Variants in KMT2C observed in about 807,000 individuals in gnomAD.
KMT2C encodes histone-lysine N-methyltransferase 2C.
Under a neutral mutation model 507.9 loss-of-function variants are expected in KMT2C, and 88 were observed. The observed-to-expected ratio is 0.17, with a 90% confidence interval of 0.15 to 0.21. The LOEUF (loss-of-function observed/expected upper bound fraction) is 0.21. Ranked by LOEUF, KMT2C falls within the 10% of genes least tolerant of loss-of-function variation. The pLI, the probability that KMT2C is intolerant of heterozygous loss-of-function variation, is 1.00. For synonymous variants in KMT2C, 2,049 were observed against 2,080.8 expected (o/e 0.98, Z 0.42); for missense variants, 4,954 against 5,957.8 (o/e 0.83, Z 5.55).
intron 48 of KMT2C, among the ~76,000 whole-genome samples, chr7:152,153,297 T>G (rs2091792851): frequency 6.6e-6 from 1 of 152,224 alleles, no homozygotes; most frequent in South Asian, 2.1e-4. Flanking sequence ...CCTCCAGCTC[T>G]GACACAACCC....
rs1206211559 is a variant in KMT2C, at chr7:152,207,492, A to C, written c.3713-64T>G. The C allele has an allele frequency of 1.7e-5, 24 of 1,428,872 alleles. No individual in the cohort carries two copies. The East Asian group carries it at 4.6e-4, about 28-fold the overall frequency. 88.5% of individuals were successfully genotyped at this position (1,428,872 alleles called of 1,614,324 possible). On this transcript the variant is annotated intron_variant, in intron 23 of 58. Coordinates refer to ENST00000262189, the MANE Select transcript of KMT2C (RefSeq NM_170606.3). ...CTATCAAATATATAATCCCTACATAATGGGGAATAAAAAGTAGGGTTGTTG... is the reference window on the plus strand; with the variant it reads ...CTATCAAATATATAATCCCTACATACTGGGGAATAAAAAGTAGGGTTGTTG...
intron 1 of KMT2C, among the ~76,000 whole-genome samples, chr7:152,375,082 G>A (rs2097318098): frequency 6.6e-6 from 1 of 152,174 alleles, no homozygotes; most frequent in Non-Finnish European, 1.5e-5. Context: ...TCACTCTGCT[G>A]CCCAAACTGG....
chr7:152,287,329 C>T (rs2096318142), intron 6 of KMT2C, among the ~76,000 whole-genome samples: 1 of 152,172 alleles, frequency 6.6e-6, no homozygotes. Context: ...CCTTTTGAGC[C>T]AGGGTGGTAT....
chr7:152,185,512 G>A (rs2093598421), intron 34 of KMT2C, 46 bp downstream of exon 34: 1 of 1,399,578 alleles, frequency 7.1e-7, no homozygotes, highest in East Asian at 2.3e-5. Context: ...TAAGGTTCAA[G>A]CACTGTATTT....
chr7:152,176,819 A>T lies in KMT2C; in HGVS notation c.8634T>A (p.Phe2878Leu), dbSNP rs2129113704. 6.2e-7 allele frequency: 1 copy of T among 1,614,246 alleles called. No homozygotes were observed. Among genetic ancestry groups the T allele is most frequent in the Non-Finnish European group, 8.5e-7 (1 of 1,180,044 alleles). Reference protein sequence around the residue: ...TSLHPCDPDLFEKRTNRETAG... With the variant: ...TSLHPCDPDLLEKRTNRETAG... ...CAGTTTCTCGATTGGTTCTTTTCTC[A>T]AATAGATCTGGATCACAAGGATGCA... The change falls in exon 38 of 59, where the codon TTT becomes TTA. Residue 2878 changes from phenylalanine (F) to leucine (L), a missense_variant. Physicochemically the swap from Phe to Leu is conservative, Grantham distance 22. Coordinates refer to ENST00000262189, the MANE Select transcript of KMT2C (RefSeq NM_170606.3).
chr7:152,267,269 C>T (rs2095872796), intron 7 of KMT2C, among the ~76,000 whole-genome samples: 1 of 152,216 alleles, frequency 6.6e-6, no homozygotes, highest in Non-Finnish European at 1.5e-5. Flanking sequence ...AAACCCCAAA[C>T]CTTTATTCTT....
At chr7:152,234,180 C>G (rs1455957284) in intron 16 of KMT2C, among the ~76,000 whole-genome samples, 1 of 151,908 alleles carries the variant, frequency 6.6e-6, no homozygotes, top group Non-Finnish European at 1.5e-5. Flanking sequence ...GAGTTCGAGA[C>G]CAGCCTGGCC....
intron 1 of KMT2C, among the ~76,000 whole-genome samples, chr7:152,425,018 C>T (rs1239404281): frequency 6.6e-6 from 1 of 152,094 alleles, no homozygotes; most frequent in Non-Finnish European, 1.5e-5. Context: ...AGTCACAGGG[C>T]TAGGCGAGAT....
chr7:152,427,770 T>A (rs1441248268), intron 1 of KMT2C, among the ~76,000 whole-genome samples: 2 of 152,230 alleles, frequency 1.3e-5, no homozygotes, highest in Non-Finnish European at 2.9e-5. Context: ...GTCACATCTT[T>A]AAATACTTAT....
chr7:152,336,680 G>A (rs1416779607), intron 2 of KMT2C, among the ~76,000 whole-genome samples: 1 of 152,160 alleles, frequency 6.6e-6, no homozygotes, highest in African/African-American at 2.4e-5. Context: ...CTTTCATGAG[G>A]TCCAATTAGC....
intron 2 of KMT2C, among the ~76,000 whole-genome samples, chr7:152,347,862 C>T (rs750036246): frequency 2.6e-5 from 4 of 152,100 alleles, no homozygotes; most frequent in African/African-American, 2.4e-5. Context: ...CAAATTGTCA[C>T]GAATCTCCAC....
At chr7:152,370,292 C>A (rs1014812099) in intron 1 of KMT2C, among the ~76,000 whole-genome samples, 1 of 151,828 alleles carries the variant, frequency 6.6e-6, no homozygotes, top group African/African-American at 2.4e-5. Context: ...TAGGAAATGA[C>A]AAACTACCAA....
intron 2 of KMT2C, among the ~76,000 whole-genome samples, chr7:152,358,215 C>G (rs1273626049): frequency 6.6e-6 from 1 of 152,284 alleles, no homozygotes; most frequent in Admixed American, 6.5e-5. Context: ...AAACATACTA[C>G]TTTTTTCAGA....
chr7:152,275,381 A>T (rs201565890), intron 6 of KMT2C, among the ~76,000 whole-genome samples: 1 of 152,152 alleles, frequency 6.6e-6, no homozygotes, highest in African/African-American at 2.4e-5. Flanking sequence ...CATCTCTACT[A>T]AAAATACAAA....
At chr7:152,169,905 T>G (rs2092887763) in intron 40 of KMT2C, among the ~76,000 whole-genome samples, 2 of 152,174 alleles carry the variant, frequency 1.3e-5, no homozygotes, top group African/African-American at 4.8e-5. Flanking sequence ...GTTAAAAGTC[T>G]TATTTCTTCC....
rs2129104555 is a variant in KMT2C at position 152,163,545 on chromosome 7, C to A, written c.10032G>T (p.Leu3344=). 1 of 1,610,006 alleles carries A rather than the reference C, an allele frequency of 6.2e-7. No homozygotes were observed. Among genetic ancestry groups the A allele is most frequent in the Non-Finnish European group, 8.5e-7 (1 of 1,177,412 alleles). ...GCTGAATTCTAGGAGGATTGAGGGGCAGGTGGGCAGGAGCACTGTTGGGTT... is the reference window on the plus strand; with the variant it reads ...GCTGAATTCTAGGAGGATTGAGGGGAAGGTGGGCAGGAGCACTGTTGGGTT... The part of the protein sequence containing the change: ...GWQPNSAPAH[L]PLNPPRIQPP... Residue 3344 remains leucine (L), a synonymous_variant, in exon 43 of 59, where the codon CTG becomes CTT. Transcript: ENST00000262189.
At chr7:152,185,304 A>G (rs555209978) in intron 34 of KMT2C, among the ~76,000 whole-genome samples, 1 of 152,320 alleles carries the variant, frequency 6.6e-6, no homozygotes, top group African/African-American at 2.4e-5. Context: ...AAGTGAAATG[A>G]ATTACTCCTT....
At chr7:152,232,458 CAA>C (rs1181109257) in intron 16 of KMT2C, among the ~76,000 whole-genome samples, 1 of 152,104 alleles carries the variant, frequency 6.6e-6, no homozygotes, top group Admixed American at 6.6e-5. Context: ...TAAAAACATG[CAA>C]AGTCATTATA....
intron 1 of KMT2C, among the ~76,000 whole-genome samples, chr7:152,433,501 CA>C (rs1005983646): frequency 6.6e-6 from 1 of 152,136 alleles, no homozygotes; most frequent in African/African-American, 2.4e-5. Context: ...CCATTCCCTT[CA>C]AAAGACACAA....
Sources: allele counts gnomAD v4.1 joint callset (sites outside exome capture counted in the v4.1 genomes callset), GRCh38; gene constraint gnomAD v4.1.1; transcripts MANE v1.5; gene names NCBI Gene and HGNC (gene_info 2026-07-23, HGNC 2026-07-21).